Variants in KCNIP4 observed in about 807,000 individuals in gnomAD.
The protein encoded by KCNIP4 is Kv channel-interacting protein 4.
Under a neutral mutation model 34.0 loss-of-function variants are expected in KCNIP4, and 12 were observed. The ratio of observed to expected loss-of-function variants is 0.35; its 90% CI spans 0.23 to 0.57. The LOEUF (loss-of-function observed/expected upper bound fraction) is 0.57, where lower values mean the gene tolerates loss of function less well. Among genes scored for constraint, KCNIP4 ranks in the 20% least tolerant of loss-of-function variants. The pLI, the probability that KCNIP4 is intolerant of heterozygous loss-of-function variation, is 0.83. For missense variants in KCNIP4, 238 were observed against 311.7 expected (o/e 0.76, Z 1.78); for synonymous variants, 124 against 102.2 (o/e 1.21, Z -1.29).
At chr4:21,789,145 G>A (rs993332088) in intron 1 of KCNIP4, among the ~76,000 whole-genome samples, 3 of 151,160 alleles carry the variant, frequency 2.0e-5, no homozygotes, top group African/African-American at 7.3e-5. Flanking sequence ...CACACAGCTG[G>A]TGCAGGTATT....
At chr4:21,104,140 G>T (rs1476745079) in intron 1 of KCNIP4, among the ~76,000 whole-genome samples, 3 of 151,170 alleles carry the variant, frequency 2.0e-5, no homozygotes, top group Non-Finnish European at 4.4e-5. Flanking sequence ...TCTAGTTCTA[G>T]ATCCCTAAGG....
rs145030149 is a variant in KCNIP4 at position 21,898,868 on chromosome 4, C to T, written c.61+49703G>A. On this transcript the variant is annotated intron_variant, in intron 1 of 8. Coordinates refer to ENST00000382152, the MANE Select transcript of KCNIP4 (RefSeq NM_025221.6). ...TGTGGTCCCCGAGCACAGACCTAGGCTCTTAGACAGCATTTCTGGACCTGC... is the reference window on the plus strand; with the variant it reads ...TGTGGTCCCCGAGCACAGACCTAGGTTCTTAGACAGCATTTCTGGACCTGC... Among the ~76,000 whole-genome samples, 1,324 of 152,254 alleles carry T rather than the reference C, an allele frequency of 8.7e-3. 15 individuals are homozygous for T. Among genetic ancestry groups the T allele is most frequent in the South Asian group, 0.034 (163 of 4,818 alleles).
chr4:21,436,876 CT>C (rs576115568), intron 1 of KCNIP4, among the ~76,000 whole-genome samples: 7 of 152,296 alleles, frequency 4.6e-5, no homozygotes, highest in Admixed American at 3.3e-4. Context: ...TTGGATACCC[CT>C]ATGCCTAACA....
At chr4:21,579,770 G>A (rs2109068972) in intron 1 of KCNIP4, among the ~76,000 whole-genome samples, 1 of 152,230 alleles carries the variant, frequency 6.6e-6, no homozygotes, top group African/African-American at 2.4e-5. Context: ...TCCATAAATT[G>A]CCTTTTAGCA....
At chr4:20,814,833 G>T (rs894916065) in intron 3 of KCNIP4, among the ~76,000 whole-genome samples, 2 of 152,128 alleles carry the variant, frequency 1.3e-5, no homozygotes, top group Non-Finnish European at 2.9e-5. Flanking sequence ...TCTCAGCAAT[G>T]GGCTCAGAGA....
intron 1 of KCNIP4, among the ~76,000 whole-genome samples, chr4:21,048,944 CTTTTTT>C (rs949548104): frequency 4.2e-5 from 4 of 96,050 alleles, no homozygotes; most frequent in African/African-American, 1.7e-4. Flanking sequence ...TTCTGTTTAT[CTTTTTT>C]TTTTTTTTTT....
rs531767209 is a variant in KCNIP4, at chr4:21,350,055, G to C, written c.62-467346C>G. Among the ~76,000 whole-genome samples, 14 of 152,088 alleles carry C rather than the reference G, an allele frequency of 9.2e-5. No individual in the cohort carries two copies. In the East Asian group the frequency reaches 2.5e-3, roughly 27 times the overall value. On this transcript the variant is annotated intron_variant, in intron 1 of 8. Coordinates refer to ENST00000382152, the MANE Select transcript of KCNIP4 (RefSeq NM_025221.6). Reference sequence around the variant, plus strand: ...CTCAATAACATGTACCTAAATGAAAGTATATTATAATTAGAGAAATAATTA... The same window carrying C: ...CTCAATAACATGTACCTAAATGAAACTATATTATAATTAGAGAAATAATTA...
chr4:21,350,069 G>C (rs1717857336), intron 1 of KCNIP4, among the ~76,000 whole-genome samples: 1 of 151,936 alleles, frequency 6.6e-6, no homozygotes, highest in Non-Finnish European at 1.5e-5. Flanking sequence ...ATTATAATTA[G>C]AGAAATAATT....
intron 1 of KCNIP4, among the ~76,000 whole-genome samples, chr4:21,073,792 T>A (rs915682470): frequency 6.6e-6 from 1 of 152,158 alleles, no homozygotes; most frequent in Admixed American, 6.5e-5. Flanking sequence ...AGAGTGCTTA[T>A]TATTTTGAGA....
chr4:21,618,630 CTTTTTT>C (rs58967707), intron 1 of KCNIP4, among the ~76,000 whole-genome samples: 3 of 81,790 alleles, frequency 3.7e-5, no homozygotes, highest in Admixed American at 1.6e-4. Context: ...TTTTCTTTTT[CTTTTTT>C]TTTTTTTTTT....
At chr4:21,391,782 C>T (rs1722582949) in intron 1 of KCNIP4, among the ~76,000 whole-genome samples, 1 of 152,174 alleles carries the variant, frequency 6.6e-6, no homozygotes, top group African/African-American at 2.4e-5. Flanking sequence ...TTCTTGTCCC[C>T]TGCAATCACA....
intron 1 of KCNIP4, among the ~76,000 whole-genome samples, chr4:21,768,328 C>T (rs1309822324): frequency 6.6e-6 from 1 of 151,974 alleles, no homozygotes; most frequent in Non-Finnish European, 1.5e-5. Context: ...CTAAACAGTA[C>T]CAGAAACTCC....
intron 5 of KCNIP4, among the ~76,000 whole-genome samples, chr4:20,740,102 C>T (rs1273351782): frequency 3.3e-5 from 5 of 152,104 alleles, no homozygotes; most frequent in African/African-American, 9.7e-5. Flanking sequence ...GCCAAATCTA[C>T]GTCTGATTGG....
intron 3 of KCNIP4, among the ~76,000 whole-genome samples, chr4:20,777,223 G>A (rs1173134797): frequency 6.6e-6 from 1 of 152,176 alleles, no homozygotes; most frequent in Non-Finnish European, 1.5e-5. Flanking sequence ...GCAGAAAGGA[G>A]AAGTGCCAGG....
chr4:20,876,322 G>A (rs1335899577), intron 2 of KCNIP4, among the ~76,000 whole-genome samples: 2 of 151,924 alleles, frequency 1.3e-5, no homozygotes, highest in African/African-American at 2.4e-5. Context: ...AAAGAACTGG[G>A]GCATAGAGAG....
At chr4:21,771,997 T>C (rs1471595478) in intron 1 of KCNIP4, among the ~76,000 whole-genome samples, 1 of 152,212 alleles carries the variant, frequency 6.6e-6, no homozygotes, top group African/African-American at 2.4e-5. Context: ...CCTTGTCTTG[T>C]GCCCACTTTC....
In KCNIP4 at chr4:20,729,600, T is replaced by TTCTAACAG. The variant is rs1480369161; in HGVS notation, c.*481_*482insCTGTTAGA. 1 of 149,670 alleles carries TTCTAACAG rather than the reference T, an allele frequency of 6.7e-6. No individual in the cohort carries two copies. Among genetic ancestry groups the TTCTAACAG allele is most frequent in the African/African-American group, 2.5e-5 (1 of 40,050 alleles). 9.3% of individuals were successfully genotyped at this position (149,670 alleles called of 1,614,324 possible). A position where few individuals can be genotyped will look rare whatever the true frequency, so the allele number is the denominator to read the frequency against. Reference sequence around the variant, plus strand: ...TTTAATTGTTGTAATCTTGTTTCCTTAAAGTATATAAATGGAATTTAAATG... The same window carrying TTCTAACAG: ...TTTAATTGTTGTAATCTTGTTTCCTTTCTAACAGAAAGTATATAAATGGAATTTAAATG... On this transcript the variant is annotated 3_prime_UTR_variant, in exon 9 of 9. Transcript: ENST00000382152.
At chr4:21,088,869 A>G (rs1045122784) in intron 1 of KCNIP4, among the ~76,000 whole-genome samples, 2 of 138,840 alleles carry the variant, frequency 1.4e-5, no homozygotes, top group Non-Finnish European at 3.0e-5. Flanking sequence ...CAGCCACACT[A>G]GAAACTCCAT....
At chr4:21,434,816 G>T (rs866232690) in intron 1 of KCNIP4, among the ~76,000 whole-genome samples, 1 of 149,512 alleles carries the variant, frequency 6.7e-6, no homozygotes, top group Non-Finnish European at 1.5e-5. Context: ...CCCCGGTGGC[G>T]AAAAGGTTGG....
Sources: allele counts gnomAD v4.1 joint callset (sites outside exome capture counted in the v4.1 genomes callset), GRCh38; gene constraint gnomAD v4.1.1; transcripts MANE v1.5; gene names NCBI Gene and HGNC (gene_info 2026-07-23, HGNC 2026-07-21).